DPH6: variants seen among roughly 807,000 people sequenced by gnomAD.
DPH6 encodes the protein diphthine--ammonia ligase.
DPH6 carries 33 observed loss-of-function variants against 38.2 expected under a neutral mutation model. That is an observed-to-expected ratio of 0.86 (90% CI 0.65 to 1.15). The LOEUF (loss-of-function observed/expected upper bound fraction) is 1.15, where lower values mean the gene tolerates loss of function less well. DPH6 is among the 50% of genes most tolerant of loss of function. DPH6 has a pLI of 0.00. For missense variants in DPH6, 325 were observed against 320.0 expected (o/e 1.02, Z -0.12); for synonymous variants, 108 against 103.0 (o/e 1.05, Z -0.30).
intron 3 of DPH6, among the ~76,000 whole-genome samples, chr15:35,339,191 TATATATAAATAA>T (rs2052401072): frequency 6.6e-6 from 1 of 151,356 alleles, no homozygotes; most frequent in Non-Finnish European, 1.5e-5. Context: ...ATAAAAAATA[TATATATAAATAA>T]ATATATAAAT....
the DPH6 span, among the ~76,000 whole-genome samples, chr15:35,207,048 T>TTC: frequency 6.9e-6 from 1 of 144,314 alleles, no homozygotes; most frequent in Non-Finnish European, 1.5e-5. Context: ...CTTTTTTTTT[T>TTC]TTTTTTTTTT....
chr15:35,293,222 ACT>A (rs1351991763), intron 3 of DPH6, among the ~76,000 whole-genome samples: 1 of 152,210 alleles, frequency 6.6e-6, no homozygotes, highest in Non-Finnish European at 1.5e-5. Flanking sequence ...ACAAATAGGG[ACT>A]TTTTCCAGGA....
In DPH6 at chr15:35,371,820, G is replaced by C. The variant is rs1399544313; in HGVS notation, c.*330C>G. ...GGTAGGGATTGGAGCAAGAAAGAGA[G>C]AAGGAGGAAAAGAAACTAGTGTGAT... is the stretch of plus-strand genomic sequence containing the variant. On this transcript the variant is annotated 3_prime_UTR_variant, in exon 9 of 9. Transcript: ENST00000256538. The C allele has an allele frequency of 2.0e-6, 2 of 1,025,422 alleles. No homozygotes were observed. Among genetic ancestry groups the C allele is most frequent in the East Asian group, 2.0e-4 (2 of 10,004 alleles). The allele number at this position is 1,025,422 out of a possible 1,614,324, so 63.5% of individuals were successfully genotyped here.
At chr15:35,461,374 G>C (rs1013820324) in intron 3 of DPH6, among the ~76,000 whole-genome samples, 8 of 152,176 alleles carry the variant, frequency 5.3e-5, no homozygotes, top group Non-Finnish European at 1.0e-4. Context: ...TACCCAGCCA[G>C]AATACATTTT....
At chr15:35,194,664 A>G in the DPH6 span, among the ~76,000 whole-genome samples, 1 of 152,248 alleles carries the variant, frequency 6.6e-6, no homozygotes, top group Non-Finnish European at 1.5e-5. Flanking sequence ...TTTAAAATCT[A>G]TTGATTGCAG....
At chr15:35,374,491 T>C (rs546257267) in intron 7 of DPH6, among the ~76,000 whole-genome samples, 1 of 152,058 alleles carries the variant, frequency 6.6e-6, no homozygotes, top group Non-Finnish European at 1.5e-5. Context: ...AGTTACTCGG[T>C]GGCAATAGAA....
At chr15:35,318,726 T>C (rs2052214559) in intron 3 of DPH6, among the ~76,000 whole-genome samples, 1 of 152,154 alleles carries the variant, frequency 6.6e-6, no homozygotes, top group African/African-American at 2.4e-5. Flanking sequence ...AGTCTTCTAC[T>C]GCAGAAACTG....
chr15:35,534,143 C>G (rs901771500), intron 3 of DPH6, among the ~76,000 whole-genome samples: 1 of 151,826 alleles, frequency 6.6e-6, no homozygotes, highest in East Asian at 1.9e-4. Context: ...TTAGGGAGGC[C>G]GAGGTGGACA....
chr15:35,276,623 T>C (rs886608092), intron 3 of DPH6, among the ~76,000 whole-genome samples: 1 of 152,184 alleles, frequency 6.6e-6, no homozygotes, highest in African/African-American at 2.4e-5. Context: ...AGGTGAAAGA[T>C]GAGGATCCAG....
At chr15:35,267,301 G>A (rs947777794) in intron 3 of DPH6, among the ~76,000 whole-genome samples, 3 of 152,154 alleles carry the variant, frequency 2.0e-5, no homozygotes, top group African/African-American at 7.2e-5. Context: ...TGTGCCAAAA[G>A]GTCACACACA....
chr15:35,152,454 C>T, the DPH6 span, among the ~76,000 whole-genome samples: 10 of 152,130 alleles, frequency 6.6e-5, no homozygotes, highest in African/African-American at 2.2e-4. Flanking sequence ...ACTCCAAAAT[C>T]GATTTCCTCA....
chr15:35,272,384 T>C (rs1339155613), intron 3 of DPH6, among the ~76,000 whole-genome samples: 2 of 152,170 alleles, frequency 1.3e-5, no homozygotes, highest in African/African-American at 4.8e-5. Flanking sequence ...GTGCTTATAA[T>C]AAGGGCTAAC....
chr15:35,472,270 C>G (rs190895165), intron 3 of DPH6, among the ~76,000 whole-genome samples: 2 of 152,130 alleles, frequency 1.3e-5, no homozygotes, highest in Non-Finnish European at 2.9e-5. Flanking sequence ...AAGGAACACA[C>G]GGATTAATAA....
At chr15:35,431,856 C>T (rs1009295283) in intron 5 of DPH6, among the ~76,000 whole-genome samples, 2 of 151,948 alleles carry the variant, frequency 1.3e-5, no homozygotes, top group Non-Finnish European at 2.9e-5. Flanking sequence ...GGCGCAATCT[C>T]GGCTCACTGC....
the DPH6 span, among the ~76,000 whole-genome samples, chr15:35,179,747 ATACTTG>A: frequency 3.9e-5 from 6 of 152,290 alleles, no homozygotes; most frequent in South Asian, 1.2e-3. Flanking sequence ...GAATGGGGTG[ATACTTG>A]TGAGAATGAG....
At chr15:35,405,081 G>A (rs1313145924) in intron 6 of DPH6, among the ~76,000 whole-genome samples, 3 of 151,982 alleles carry the variant, frequency 2.0e-5, no homozygotes, top group African/African-American at 7.3e-5. Context: ...CCATTGGTCT[G>A]TGTGTCTGTT....
chr15:35,486,325 A>G (rs2054397510), intron 3 of DPH6, among the ~76,000 whole-genome samples: 1 of 151,786 alleles, frequency 6.6e-6, no homozygotes, highest in Admixed American at 6.6e-5. Context: ...AATCAAGGTG[A>G]GATTTTGGGT....
intron 3 of DPH6, among the ~76,000 whole-genome samples, chr15:35,474,052 C>CT: frequency 6.6e-6 from 1 of 151,664 alleles, no homozygotes; most frequent in East Asian, 1.9e-4. Context: ...GGGAAGGAAA[C>CT]TGAGTAGGAT....
rs58422347 is a variant in DPH6 at position 35,542,965 on chromosome 15, T to TATATATATATATATATATATATAGATAA, written c.24-459_24-458insTTATCTATATATATATATATATATATAT. Among the ~76,000 whole-genome samples the TATATATATATATATATATATATAGATAA allele has an allele frequency of 2.6e-5, 2 of 76,178 alleles. 1 individual carries two copies. Among genetic ancestry groups the TATATATATATATATATATATATAGATAA allele is most frequent in the Non-Finnish European group, 5.2e-5 (2 of 38,358 alleles). The allele number at this position is 76,178 out of a possible 152,430, so 50.0% of individuals were successfully genotyped here. ...TAAGGAATATATATATATATATATA[T>TATATATATATATATATATATATAGATAA]AAAATAATTTCATAGAAATTATTGG... On this transcript the variant is annotated intron_variant, in intron 1 of 8. Coordinates refer to ENST00000256538, the MANE Select transcript of DPH6 (RefSeq NM_080650.4).
Sources: allele counts gnomAD v4.1 joint callset (sites outside exome capture counted in the v4.1 genomes callset), GRCh38; gene constraint gnomAD v4.1.1; transcripts MANE v1.5; gene names NCBI Gene and HGNC (gene_info 2026-07-23, HGNC 2026-07-21).